Variants in IMPG1 observed in about 807,000 individuals in gnomAD.
The protein encoded by IMPG1 is interphotoreceptor matrix proteoglycan 1, also known as interphotoreceptor matrix proteoglycan of 150 kDa.
A neutral mutation model predicts 92.0 loss-of-function variants in IMPG1; 85 were observed. The ratio of observed to expected loss-of-function variants is 0.92; its 90% CI spans 0.78 to 1.11. The LOEUF is 1.11. IMPG1 is among the 50% of genes least tolerant of loss of function. The pLI is 0.00. For synonymous variants in IMPG1, 367 were observed against 334.1 expected (o/e 1.10, Z -1.08); for missense variants, 1,022 against 956.0 (o/e 1.07, Z -0.91).
At chr6:76,070,818 G>T (rs772033934) in intron 1 of IMPG1, among the ~76,000 whole-genome samples, 2 of 151,246 alleles carry the variant, frequency 1.3e-5, no homozygotes, top group African/African-American at 2.5e-5. Flanking sequence ...CATTCAAAAA[G>T]ATGAGAGAGT....
intron 4 of IMPG1, among the ~76,000 whole-genome samples, chr6:76,029,492 A>T (rs1302724498): frequency 6.6e-6 from 1 of 152,236 alleles, no homozygotes; most frequent in Non-Finnish European, 1.5e-5. Context: ...AAAACTTATC[A>T]TACATTTGTC....
Position 75,947,331 on chromosome 6 carries a change from G to A in IMPG1, c.2027C>T (p.Ser676Phe), listed in dbSNP as rs2149456075. 3.7e-6 allele frequency: 6 copies of A among 1,613,398 alleles called. No homozygotes were observed. The African/African-American group carries it at 5.3e-5, about 14-fold the overall frequency. ...TCTTTTACCTGGTTCAATGTTGAGA[G>A]AGTAGCTGTCTATTTCCAGATGGAG... The part of the protein sequence containing the change: ...QQLHLEIDSY[S>F]LNIEPADQAD... The change falls in exon 14 of 17, where the codon TCT becomes TTT. Residue 676 changes from serine to phenylalanine, a missense_variant. By Grantham distance (155) the Ser-to-Phe change is radical (BLOSUM62 -2). This residue lies in a region of IMPG1 where 332 missense variants were observed against 346.2 expected (regional missense o/e 0.96). Coordinates refer to ENST00000369950, the MANE Select transcript of IMPG1 (RefSeq NM_001563.4).
chr6:76,052,184 G>C (rs1784053816), intron 1 of IMPG1, among the ~76,000 whole-genome samples: 1 of 152,124 alleles, frequency 6.6e-6, no homozygotes, highest in Admixed American at 6.5e-5. Flanking sequence ...ATTGCCAGCT[G>C]TTTAAGTCTG....
intron 14 of IMPG1, among the ~76,000 whole-genome samples, chr6:75,942,752 G>T (rs1781856111): frequency 6.6e-6 from 1 of 152,146 alleles, no homozygotes; most frequent in African/African-American, 2.4e-5. Flanking sequence ...GAGCAAAATA[G>T]CTGTCATATT....
chr6:76,054,959 TA>T (rs1361737203), intron 1 of IMPG1, among the ~76,000 whole-genome samples: 1 of 151,872 alleles, frequency 6.6e-6, no homozygotes, highest in Non-Finnish European at 1.5e-5. Context: ...ATACAGAAAA[TA>T]AAATCCAGGA....
At chr6:75,978,065 T>C (rs571615664) in intron 12 of IMPG1, among the ~76,000 whole-genome samples, 19 of 152,238 alleles carry the variant, frequency 1.2e-4, no homozygotes, top group African/African-American at 4.6e-4. Context: ...GCTGGGATTA[T>C]AGGGGGAGCT....
At chr6:75,976,722 C>A (rs1023398416) in intron 12 of IMPG1, among the ~76,000 whole-genome samples, 3 of 151,824 alleles carry the variant, frequency 2.0e-5, no homozygotes, top group Middle Eastern at 3.4e-3. Flanking sequence ...CCATCCTGGC[C>A]AACACGGTGA....
At chr6:75,965,631 G>A (rs867172124) in intron 12 of IMPG1, among the ~76,000 whole-genome samples, 7 of 106,680 alleles carry the variant, frequency 6.6e-5, no homozygotes, top group East Asian at 2.8e-4. Flanking sequence ...TTTTTGAGAC[G>A]GAGTCTCGCT....
At chr6:76,053,967 T>A (rs531604253) in intron 1 of IMPG1, among the ~76,000 whole-genome samples, 68 of 152,272 alleles carry the variant, frequency 4.5e-4, no homozygotes, top group African/African-American at 1.6e-3. Context: ...CTGTATATCT[T>A]TGCCTGTTAA....
At chr6:76,011,604 C>A (rs1209007561) in intron 7 of IMPG1, among the ~76,000 whole-genome samples, 1 of 151,580 alleles carries the variant, frequency 6.6e-6, no homozygotes, top group Non-Finnish European at 1.5e-5. Context: ...TTTAATTACA[C>A]TTTAAGTTTT....
At chr6:75,980,702 A>T (rs1203251711) in intron 12 of IMPG1, among the ~76,000 whole-genome samples, 1 of 152,194 alleles carries the variant, frequency 6.6e-6, no homozygotes, top group Non-Finnish European at 1.5e-5. Context: ...CACAGACTGA[A>T]GGCTGAACTG....
Position 75,971,836 on chromosome 6 carries a change from G to A in IMPG1, c.1292-20742C>T, listed in dbSNP as rs144813263. Among the ~76,000 whole-genome samples the A allele has an allele frequency of 4.8e-3, 737 of 152,260 alleles. 5 individuals are homozygous for A. The highest frequency in any genetic ancestry group is 0.016 in the African/African-American group (681 of 41,548). ...GCAAAGGATTTTCATCAGGTGGAAT[G>A]TAATTGATTATTTCCTTGTGGATAC... On this transcript the variant is annotated intron_variant, in intron 12 of 16. Coordinates refer to ENST00000369950, the MANE Select transcript of IMPG1 (RefSeq NM_001563.4).
rs1249225957 is a variant in IMPG1 at position 75,950,643 on chromosome 6, A to G, written c.1743T>C (p.Val581=). The change falls in exon 13 of 17, where the codon GTT becomes GTC. Residue 581 remains valine, a synonymous_variant. Coordinates refer to ENST00000369950, the MANE Select transcript of IMPG1 (RefSeq NM_001563.4). The part of the protein sequence containing the change: ...RELVVFFSLR[V]ANMAFSNDLF... The stretch of plus-strand genomic sequence containing the variant: ...GGTCGTTGGAGAAGGCCATGTTAGC[A>G]ACACGCAGACTGAAGAACACTACCA... 1.2e-6 allele frequency: 2 copies of G among 1,613,938 alleles called. No homozygotes were observed. The highest frequency in any genetic ancestry group is 1.7e-6 in the Non-Finnish European group (2 of 1,179,880).
At chr6:76,050,375 G>A (rs1287809148) in intron 1 of IMPG1, among the ~76,000 whole-genome samples, 9 of 152,106 alleles carry the variant, frequency 5.9e-5, no homozygotes, top group African/African-American at 2.2e-4. Context: ...CCTGGGAGGC[G>A]GAGGTTGCAG....
intron 12 of IMPG1, among the ~76,000 whole-genome samples, chr6:75,978,971 A>G (rs1345747408): frequency 6.6e-6 from 1 of 152,132 alleles, no homozygotes; most frequent in Admixed American, 6.5e-5. Flanking sequence ...GAATGCGGTG[A>G]CATGAACATG....
In IMPG1 at chr6:76,028,096, T is replaced by C. The variant is rs138864306; in HGVS notation, c.498-2838A>G. 1.1e-4 allele frequency among the ~76,000 whole-genome samples: 17 copies of C among 152,360 alleles called. No homozygotes were observed. In the East Asian group the frequency reaches 3.1e-3, roughly 28 times the overall value. ...TGCTAATCTATGTTCCAAAATTCTA[T>C]GGGATTTCAAAAATTCTAATATCTA... On this transcript the variant is annotated intron_variant, in intron 4 of 16. Transcript: ENST00000369950.
intron 12 of IMPG1, among the ~76,000 whole-genome samples, chr6:75,981,474 C>T (rs796742522): frequency 4.6e-5 from 7 of 152,154 alleles, no homozygotes; most frequent in African/African-American, 1.4e-4. Flanking sequence ...AGCTGAAGAA[C>T]TTGTTAAAAA....
rs907383321 is a variant in IMPG1 at position 75,921,677 on chromosome 6, A to G, written c.*412T>C. ...CCTGCATCTCCCTGCGTAAGTAGTC[A>G]TCTTTTAAATGTACTTTCTAGCATA... On this transcript the variant is annotated 3_prime_UTR_variant, in exon 17 of 17. Transcript: ENST00000369950. The G allele has an allele frequency of 3.2e-5, 6 of 186,486 alleles. No individual in the cohort carries two copies. Among genetic ancestry groups the G allele is most frequent in the African/African-American group, 7.2e-5 (3 of 41,632 alleles). 11.6% of individuals were successfully genotyped at this position (186,486 alleles called of 1,614,324 possible).
At chr6:76,024,222 G>T (rs1405069780) in intron 5 of IMPG1, among the ~76,000 whole-genome samples, 1 of 152,102 alleles carries the variant, frequency 6.6e-6, no homozygotes. Flanking sequence ...TGTCAGTAAA[G>T]GAAGAAATGG....
Sources: gnomAD v4.1 joint callset for allele counts (sites outside exome capture counted in the v4.1 genomes callset) on GRCh38, gnomAD v4.1.1 for gene constraint, gnomAD v4.1.1 regional missense constraint, MANE v1.5 for transcripts, NCBI Gene and HGNC (gene_info 2026-07-23, HGNC 2026-07-21) for gene names.